The following ANKRD36 variants were observed in gnomAD, a reference collection of about 807,000 sequenced individuals.
The protein encoded by ANKRD36 is ankyrin repeat domain 36.
Under a neutral mutation model 278.1 loss-of-function variants are expected in ANKRD36, and 179 were observed. The observed-to-expected ratio is 0.64, with a 90% CI of 0.57 to 0.73. ANKRD36 has a LOEUF of 0.73. ANKRD36 is among the 30% of genes least tolerant of loss of function. The pLI is 0.00. For missense variants in ANKRD36, 1,159 were observed against 1,956.7 expected (o/e 0.59, Z 7.69); for synonymous variants, 320 against 641.1 (o/e 0.50, Z 7.57).
At chr2:97,125,387 T>C (rs1047859559) in intron 5 of ANKRD36, among the ~76,000 whole-genome samples, 1 of 127,706 alleles carries the variant, frequency 7.8e-6, no homozygotes, top group Non-Finnish European at 1.6e-5. Flanking sequence ...CGGAGCAAAT[T>C]GACACTTTCA....
intron 3 of ANKRD36, among the ~76,000 whole-genome samples, chr2:97,122,601 C>G (rs1257586221): frequency 6.7e-6 from 1 of 149,194 alleles, no homozygotes; most frequent in Non-Finnish European, 1.5e-5. Flanking sequence ...ATCCTTGAAA[C>G]ATGCCATGCT....
At chr2:97,143,007 A>T (rs1435486494) in intron 8 of ANKRD36, among the ~76,000 whole-genome samples, 172 bp downstream of exon 8, 1 of 151,934 alleles carries the variant, frequency 6.6e-6, no homozygotes. Flanking sequence ...GTCCTTGGCC[A>T]TGATCTCAGT....
At chr2:97,199,071 TAAG>T (rs1459988517) in intron 44 of ANKRD36, among the ~76,000 whole-genome samples, 2 of 151,900 alleles carry the variant, frequency 1.3e-5, no homozygotes, top group African/African-American at 4.8e-5. Flanking sequence ...GTAGGAGAAC[TAAG>T]GAGACCCCTG....
At chr2:97,225,469 A>G (rs1334175981) in intron 67 of ANKRD36, among the ~76,000 whole-genome samples, 7 of 152,028 alleles carry the variant, frequency 4.6e-5, no homozygotes, top group Non-Finnish European at 5.9e-5. Context: ...AATGTATTTC[A>G]ATATAGAAAA....
Position 97,131,473 on chromosome 2 carries a change from A to G in ANKRD36, c.799+4339A>G, listed in dbSNP as rs1693323920. 2.0e-5 allele frequency among the ~76,000 whole-genome samples: 3 copies of G among 152,078 alleles called. 1 individual carries two copies. The highest frequency in any genetic ancestry group is 2.9e-5 in the Non-Finnish European group (2 of 68,028). On this transcript the variant is annotated intron_variant, in intron 6 of 75. Coordinates refer to ENST00000420699, the MANE Select transcript of ANKRD36 (RefSeq NM_001354587.1). ...CTCAGCCTCCCAAAGTGCTGGAATTATAGTCACGAGCCATCGTGCTGGTCT... is the reference window on the plus strand; with the variant it reads ...CTCAGCCTCCCAAAGTGCTGGAATTGTAGTCACGAGCCATCGTGCTGGTCT...
At chr2:97,228,552 T>C (rs1271679772) in intron 67 of ANKRD36, among the ~76,000 whole-genome samples, 3 of 152,034 alleles carry the variant, frequency 2.0e-5, no homozygotes, top group East Asian at 2.0e-4. Context: ...TCTTGCTAGC[T>C]GTCTATCAAT....
intron 30 of ANKRD36, among the ~76,000 whole-genome samples, chr2:97,186,423 T>C (rs1237077914): frequency 6.6e-5 from 10 of 150,670 alleles, no homozygotes; most frequent in African/African-American, 2.4e-4. Context: ...GATTTCCAAA[T>C]ATAAAAGCTT....
chr2:97,228,743 G>T (rs558843610), intron 67 of ANKRD36, among the ~76,000 whole-genome samples: 2 of 151,204 alleles, frequency 1.3e-5, no homozygotes, highest in African/African-American at 4.9e-5. Flanking sequence ...TGTCAATTTT[G>T]GATCTTTCCT....
At chr2:97,136,553 A>G (rs2443893) in intron 6 of ANKRD36, among the ~76,000 whole-genome samples, 1 of 151,974 alleles carries the variant, frequency 6.6e-6, no homozygotes, top group African/African-American at 2.4e-5. Flanking sequence ...AGCCCTCAAA[A>G]TGTGGGATCT....
chr2:97,113,769 C>T lies in ANKRD36; in HGVS notation c.30C>T (p.Pro10=). The change falls in exon 1 of 76, where the codon CCC becomes CCT. Residue 10 remains proline, a synonymous_variant. Transcript: ENST00000420699. MEDGKRERW[P]TLMERLCSDG... is the part of the protein sequence containing the mutation. ...AAGACGGCAAGCGGGAGAGGTGGCC[C>T]ACCCTCATGGAGCGCTTGTGCTCGG... The T allele has an allele frequency of 1.9e-6, 3 of 1,612,868 alleles. No homozygotes were observed. The highest frequency in any genetic ancestry group is 2.5e-6 in the Non-Finnish European group (3 of 1,179,964).
chr2:97,179,298 A>G (rs2055399252), intron 22 of ANKRD36, among the ~76,000 whole-genome samples: 1 of 151,652 alleles, frequency 6.6e-6, no homozygotes, highest in Non-Finnish European at 1.5e-5. Flanking sequence ...ATCAAGTTAA[A>G]GAGCATGATG....
chr2:97,198,352 C>A (rs376040297), intron 42 of ANKRD36, 111 bp from the exon 43 acceptor site: 1 of 1,534,428 alleles, frequency 6.5e-7, no homozygotes, highest in Non-Finnish European at 8.8e-7. Context: ...GCCATCAAAG[C>A]GTACACTAAT....
Position 97,256,458 on chromosome 2 carries a change from A to C in ANKRD36, c.*6+6285A>C, listed in dbSNP as rs1196880411. Among the ~76,000 whole-genome samples the C allele has an allele frequency of 2.0e-5, 3 of 150,632 alleles. No homozygotes were observed. In the Admixed American group the frequency reaches 2.0e-4, roughly 10 times the overall value. On this transcript the variant is annotated intron_variant, in intron 75 of 75. Coordinates refer to ENST00000420699, the MANE Select transcript of ANKRD36 (RefSeq NM_001354587.1). ...TCTTGGTAAGTTGTATGTTTGTGGA[A>C]ATGTTTTTATTTCTTCCATGTTATC...
chr2:97,202,303 G>A lies in ANKRD36; in HGVS notation c.2887-18G>A, dbSNP rs762219543. 7.1e-5 allele frequency: 113 copies of A among 1,588,434 alleles called. No homozygotes were observed. The highest frequency in any genetic ancestry group is 8.1e-5 in the African/African-American group (6 of 73,700). On this transcript the variant is annotated intron_variant, in intron 47 of 75. Transcript: ENST00000420699. ...TGAAACATACTTTATTTATTATTTC[G>A]TTTTAAATTCCATTCAGGGTACAAG...
At chr2:97,176,093 A>G (rs994925678) in intron 22 of ANKRD36, among the ~76,000 whole-genome samples, 58 of 151,878 alleles carry the variant, frequency 3.8e-4, no homozygotes, top group Non-Finnish European at 5.2e-4. Context: ...GAAAAAATGT[A>G]TATTCTGTTG....
intron 42 of ANKRD36, among the ~76,000 whole-genome samples, chr2:97,197,639 C>G (rs2060147134): frequency 6.6e-6 from 1 of 151,918 alleles, no homozygotes; most frequent in African/African-American, 2.4e-5. Context: ...AATTATGCTG[C>G]ATTGTAATTA....
At chr2:97,171,740 C>CAA (rs776400626) in intron 22 of ANKRD36, among the ~76,000 whole-genome samples, 1 of 137,914 alleles carries the variant, frequency 7.3e-6, no homozygotes, top group African/African-American at 2.7e-5. Flanking sequence ...AAAACAAAAA[C>CAA]AAAAAAAACA....
intron 62 of ANKRD36, chr2:97,215,928 AAGT>A (rs1209288670): frequency 2.6e-6 from 1 of 380,984 alleles, no homozygotes; most frequent in African/African-American, 2.1e-5. Flanking sequence ...AAGATCACTG[AAGT>A]AGTAATTATT....
Position 97,206,366 on chromosome 2 carries a change from GAGAGCAGTTGA to G in ANKRD36, c.3163+235_3163+245del, listed in dbSNP as rs776360022. ...GTTGAAGTTGGGAAGAAGATATATG[GAGAGCAGTTGA>G]AGACATAAGGGTCTCTGGGGAACAG... On this transcript the variant is annotated intron_variant, in intron 52 of 75. Transcript: ENST00000420699. Among the ~76,000 whole-genome samples, 21 of 151,444 alleles carry G rather than the reference GAGAGCAGTTGA, an allele frequency of 1.4e-4. 1 individual carries two copies. Among genetic ancestry groups the G allele is most frequent in the Non-Finnish European group, 4.4e-5 (3 of 67,714 alleles).
Sources: allele counts gnomAD v4.1 joint callset (sites outside exome capture counted in the v4.1 genomes callset), GRCh38; gene constraint gnomAD v4.1.1; transcripts MANE v1.5; gene names NCBI Gene and HGNC (gene_info 2026-07-23, HGNC 2026-07-21).